The following VPS45 variants were observed in gnomAD, a reference collection of about 807,000 sequenced individuals.
The protein encoded by VPS45 is vacuolar protein sorting 45 homolog.
In VPS45, 35 loss-of-function variants were observed where a neutral mutation model predicts 75.9. The ratio of observed to expected loss-of-function variants is 0.46; its 90% CI spans 0.35 to 0.61. The LOEUF is 0.61. Among genes scored for constraint, VPS45 ranks in the 20% least tolerant of loss-of-function variants. VPS45 has a pLI of 0.00. For synonymous variants in VPS45, 220 were observed against 238.2 expected, an observed-to-expected ratio of 0.92 and a Z score of 0.70; for missense variants, 559 against 685.9, an observed-to-expected ratio of 0.81 and a Z score of 2.07.
intron 2 of VPS45, 122 bp from the exon 3 acceptor site, chr1:150,072,044 C>G (rs1655102206): frequency 1.6e-6 from 1 of 636,954 alleles, no homozygotes; most frequent in African/African-American, 1.8e-5. Context: ...CATAAGCACA[C>G]TTAACCTAGA....
chr1:150,094,850 C>T (rs1345661166), intron 13 of VPS45, among the ~76,000 whole-genome samples: 3 of 152,260 alleles, frequency 2.0e-5, no homozygotes, highest in African/African-American at 4.8e-5. Context: ...CACAGGCCAC[C>T]GGAAGAATAT....
chr1:150,119,441 A>G (rs190383934), intron 14 of VPS45, among the ~76,000 whole-genome samples: 2 of 152,326 alleles, frequency 1.3e-5, no homozygotes, highest in Admixed American at 1.3e-4. Context: ...TATATGGGTT[A>G]TTTCTTAAGG....
chr1:150,111,519 G>A (rs587692964), intron 14 of VPS45, among the ~76,000 whole-genome samples: 38 of 152,214 alleles, frequency 2.5e-4, no homozygotes, highest in African/African-American at 8.2e-4. Flanking sequence ...AGAAACTCAC[G>A]GTGTTTTAGG....
Position 150,145,189 on chromosome 1 carries a change from A to AT in VPS45, c.*395dup. 3.0e-6 allele frequency: 1 copy of AT among 328,080 alleles called. No individual in the cohort carries two copies. The allele number at this position is 328,080 out of a possible 1,614,324, so 20.3% of individuals were successfully genotyped here. A position where few individuals can be genotyped will look rare whatever the true frequency, so the allele number is the denominator to read the frequency against. On this transcript the variant is annotated 3_prime_UTR_variant, in exon 15 of 15. Transcript: ENST00000644510. ...ACCCTTTCTGCTTTTCATTAACCAC[A>AT]TTCCTGCACAACTCATTTCTGAAAA... is the stretch of plus-strand genomic sequence containing the variant.
At chr1:150,114,666 C>T (rs1405021589) in intron 14 of VPS45, among the ~76,000 whole-genome samples, 1 of 151,368 alleles carries the variant, frequency 6.6e-6, no homozygotes, top group Admixed American at 6.6e-5. Flanking sequence ...GAGGCCAAGG[C>T]AGGCGGATTG....
chr1:150,069,623 A>T lies in VPS45; in HGVS notation c.228+859A>T, dbSNP rs113587015. The stretch of plus-strand genomic sequence containing the variant: ...AGGTGCCCGCCACCACGCCCGGCTA[A>T]TTTTTTGTATTTTTAGTAGAGACAG... On this transcript the variant is annotated intron_variant, in intron 2 of 14. Coordinates refer to ENST00000644510, the MANE Select transcript of VPS45 (RefSeq NM_007259.5). Among the ~76,000 whole-genome samples, 1,198 of 149,058 alleles carry T rather than the reference A, an allele frequency of 8.0e-3. 10 individuals are homozygous for T. The highest frequency in any genetic ancestry group is 0.029 in the African/African-American group (1,155 of 40,506).
chr1:150,095,018 T>G (rs1656542389), intron 13 of VPS45, among the ~76,000 whole-genome samples: 1 of 152,246 alleles, frequency 6.6e-6, no homozygotes, highest in Non-Finnish European at 1.5e-5. Context: ...ATATAGTTAA[T>G]AATTCAGTTG....
intron 10 of VPS45, among the ~76,000 whole-genome samples, chr1:150,091,711 A>G (rs1256115498): frequency 6.6e-6 from 1 of 152,162 alleles, no homozygotes; most frequent in African/African-American, 2.4e-5. Flanking sequence ...TATTAAATTC[A>G]TTTTTGTCCT....
Position 150,068,755 on chromosome 1 carries a change from A to C in VPS45, c.219A>C (p.Arg73=). ...MKHLKAICFL[R]PTKENVDYII... ...ACCTGAAGGCAATTTGTTTTCTTCG[A>C]CCTACAAAGGTACTGCATAAACTGA... Residue 73 remains arginine, a synonymous_variant, in exon 2 of 15, where the codon CGA becomes CGC. Coordinates refer to ENST00000644510, the MANE Select transcript of VPS45 (RefSeq NM_007259.5). 6.2e-7 allele frequency: 1 copy of C among 1,611,138 alleles called. No individual in the cohort carries two copies. Among genetic ancestry groups the C allele is most frequent in the Admixed American group, 1.7e-5 (1 of 59,554 alleles).
intron 13 of VPS45, among the ~76,000 whole-genome samples, chr1:150,096,292 G>A (rs1455690846): frequency 6.6e-6 from 1 of 152,198 alleles, no homozygotes; most frequent in Non-Finnish European, 1.5e-5. Context: ...GAGTGTATTG[G>A]ATCATGACAA....
chr1:150,145,113 T>A lies in VPS45; in HGVS notation c.*317T>A, dbSNP rs1659607055. ...TCAGAGCCTAGAGGGGCTTAAAAAGTAATCATTTGATGTACATACCACACT... is the reference window on the plus strand; with the variant it reads ...TCAGAGCCTAGAGGGGCTTAAAAAGAAATCATTTGATGTACATACCACACT... On this transcript the variant is annotated 3_prime_UTR_variant, in exon 15 of 15. Coordinates refer to ENST00000644510, the MANE Select transcript of VPS45 (RefSeq NM_007259.5). 1 of 584,314 alleles carries A rather than the reference T, an allele frequency of 1.7e-6. No individual in the cohort carries two copies. Among genetic ancestry groups the A allele is most frequent in the Non-Finnish European group, 3.0e-6 (1 of 334,594 alleles). 36.2% of individuals were successfully genotyped at this position (584,314 alleles called of 1,614,324 possible). A position where few individuals can be genotyped will look rare whatever the true frequency, so the allele number is the denominator to read the frequency against.
chr1:150,143,663 A>G (rs1209729297), intron 14 of VPS45, among the ~76,000 whole-genome samples: 1 of 152,124 alleles, frequency 6.6e-6, no homozygotes. Flanking sequence ...TACTTGAGGT[A>G]GGAAAGCTCA....
chr1:150,073,581 C>G (rs1277650012), intron 3 of VPS45, among the ~76,000 whole-genome samples: 2 of 151,842 alleles, frequency 1.3e-5, no homozygotes, highest in African/African-American at 4.8e-5. Flanking sequence ...GGCTAATAGT[C>G]ACAGGTTTTC....
chr1:150,112,395 T>C (rs782012295), intron 14 of VPS45, among the ~76,000 whole-genome samples: 2 of 152,314 alleles, frequency 1.3e-5, no homozygotes. Flanking sequence ...AATACTAAGA[T>C]GCATTTTAAA....
At chr1:150,116,652 T>C (rs1657946606) in intron 14 of VPS45, among the ~76,000 whole-genome samples, 1 of 152,144 alleles carries the variant, frequency 6.6e-6, no homozygotes, top group African/African-American at 2.4e-5. Context: ...GTGCAGAAGG[T>C]TTTATTACTT....
chr1:150,077,313 T>C, intron 6 of VPS45, 82 bp downstream of exon 6: 1 of 1,505,758 alleles, frequency 6.6e-7, no homozygotes, highest in Non-Finnish European at 9.0e-7. Context: ...AGGAATAGTT[T>C]ATTTACAACC....
chr1:150,143,318 A>G (rs1659497237), intron 14 of VPS45, among the ~76,000 whole-genome samples: 1 of 152,158 alleles, frequency 6.6e-6, no homozygotes, highest in Non-Finnish European at 1.5e-5. Context: ...TGCCAGGCGC[A>G]GTGGCTCACG....
intron 12 of VPS45, among the ~76,000 whole-genome samples, chr1:150,092,837 C>CTTTTTTTTTTTTTTTTTTTT (rs11451750): frequency 1.1e-5 from 1 of 94,452 alleles, no homozygotes; most frequent in Non-Finnish European, 1.9e-5. Context: ...GCTAGCCTTT[C>CTTTTTTTTTTTTTTTTTTTT]TTTTTTTTTT....
chr1:150,086,979 AAG>A (rs1491232472), intron 10 of VPS45, among the ~76,000 whole-genome samples: 2 of 151,766 alleles, frequency 1.3e-5, no homozygotes, highest in African/African-American at 4.8e-5. Context: ...AACAAAAAAA[AAG>A]ACGGAGACTA....
Sources: gnomAD v4.1 joint callset for allele counts (sites outside exome capture counted in the v4.1 genomes callset) on GRCh38, gnomAD v4.1.1 for gene constraint, MANE v1.5 for transcripts, NCBI Gene and HGNC (gene_info 2026-07-23, HGNC 2026-07-21) for gene names.